KCNA2: variants seen among roughly 807,000 people sequenced by gnomAD.
KCNA2 encodes the protein potassium channel, voltage gated shaker related subfamily A, member 2.
In KCNA2, 11 loss-of-function variants were observed where a neutral mutation model predicts 33.4. The observed-to-expected ratio is 0.33, with a 90% CI of 0.21 to 0.55. The LOEUF is 0.55. KCNA2 is among the 20% of genes least tolerant of loss of function. KCNA2 has a pLI of 0.93. For synonymous variants in KCNA2, 222 were observed against 231.3 expected (o/e 0.96, Z 0.37); for missense variants, 291 against 621.6 (o/e 0.47, Z 5.66).
Position 110,604,247 on chromosome 1 carries a change from C to G in KCNA2, c.536G>C (p.Ser179Thr). ...GATGGGCAATGTTTCCAGACAGAAG[C>G]TGACAATTGAGATCAGAATCACCAT... ...SVMVILISIVSFCLETLPIFR... is the reference protein window; with the variant it reads ...SVMVILISIVTFCLETLPIFR... The change falls in exon 3 of 3, where the codon AGC becomes ACC. Residue 179 changes from serine (S) to threonine (T), a missense_variant. By Grantham distance (58) the Ser-to-Thr change is moderately conservative (BLOSUM62 1). This residue lies in a region of KCNA2 where 163 missense variants were observed against 273.5 expected (regional missense o/e 0.60). Coordinates refer to ENST00000316361, the MANE Select transcript of KCNA2 (RefSeq NM_004974.4). This position sits in a 1 kb window ranked among gnomAD's most constrained non-coding sequence, Gnocchi z 7.6. 6.2e-7 allele frequency: 1 copy of G among 1,614,154 alleles called. No homozygotes were observed. The highest frequency in any genetic ancestry group is 1.1e-5 in the South Asian group (1 of 91,078).
At chr1:110,616,763 C>T (rs1307596179) in intron 1 of KCNA2, among the ~76,000 whole-genome samples, 3 of 152,230 alleles carry the variant, frequency 2.0e-5, no homozygotes, top group Non-Finnish European at 4.4e-5. Context: ...GGTCTGTCCT[C>T]TAGCCCCGGC....
intron 1 of KCNA2, among the ~76,000 whole-genome samples, chr1:110,614,649 A>C (rs1213154272): frequency 6.6e-6 from 1 of 152,238 alleles, no homozygotes; most frequent in African/African-American, 2.4e-5. Flanking sequence ...AAAATGGGAA[A>C]GCTGGGCTAC....
At chr1:110,614,263 GT>G (rs1420958336) in intron 1 of KCNA2, among the ~76,000 whole-genome samples, 2 of 152,214 alleles carry the variant, frequency 1.3e-5, no homozygotes, top group East Asian at 3.8e-4. Context: ...ATCCTCGGAA[GT>G]TTTCTAACTT....
Position 110,602,548 on chromosome 1 carries a change from C to T in KCNA2, c.*735G>A. The T allele has an allele frequency of 9.4e-7, 1 of 1,063,180 alleles. No homozygotes were observed. Among genetic ancestry groups the T allele is most frequent in the African/African-American group, 1.7e-5 (1 of 59,700 alleles). 65.9% of individuals were successfully genotyped at this position (1,063,180 alleles called of 1,614,324 possible). ...CTGGAGCCTGCAAAAATGGTGAAAT[C>T]AGAGGCTTAGAGGTCTGTTGGTTTG... On this transcript the variant is annotated 3_prime_UTR_variant, in exon 3 of 3. Coordinates refer to ENST00000316361, the MANE Select transcript of KCNA2 (RefSeq NM_004974.4).
intron 1 of KCNA2, among the ~76,000 whole-genome samples, chr1:110,613,181 A>G (rs543100640): frequency 2.9e-4 from 44 of 152,112 alleles, no homozygotes; most frequent in Non-Finnish European, 5.6e-4. Flanking sequence ...TGTCACTTCA[A>G]TGACTTCTTC....
chr1:110,608,532 G>A (rs1649758723), upstream of KCNA2, among the ~76,000 whole-genome samples: 1 of 152,220 alleles, frequency 6.6e-6, no homozygotes, highest in East Asian at 1.9e-4. Context: ...GCGGGACTCC[G>A]GATTCTGGCG....
At chr1:110,607,006 A>AGCGCCGCACCTGGCTCGACGGCGAACTCG, upstream of KCNA2, among the ~76,000 whole-genome samples, 1 of 152,204 alleles carries the variant, frequency 6.6e-6, no homozygotes, top group African/African-American at 2.4e-5. Context: ...CGCGCCACGC[A>AGCGCCGCACCTGGCTCGACGGCGAACTCG]AACCCCAGAG....
chr1:110,598,161 C>T lies in KCNA2; in HGVS notation c.*5122G>A, dbSNP rs1649182969. The stretch of plus-strand genomic sequence containing the variant: ...ACCTTGCCAAGGCTAGGGGAACCTC[C>T]ATTGTGCAACCAAGGAGCACCATGG... On this transcript the variant is annotated 3_prime_UTR_variant, in exon 3 of 3. Transcript: ENST00000316361. The T allele has an allele frequency of 1.3e-6, 1 of 740,806 alleles. No individual in the cohort carries two copies. Among genetic ancestry groups the T allele is most frequent in the African/African-American group, 1.9e-5 (1 of 52,456 alleles). 45.9% of individuals were successfully genotyped at this position (740,806 alleles called of 1,614,324 possible). A position where few individuals can be genotyped will look rare whatever the true frequency, so the allele number is the denominator to read the frequency against.
rs556725807 is a variant in KCNA2 at position 110,595,500 on chromosome 1, T to C, written c.*7783A>G. The C allele has an allele frequency of 2.0e-6, 2 of 985,264 alleles. No homozygotes were observed. Among genetic ancestry groups the C allele is most frequent in the Non-Finnish European group, 2.4e-6 (2 of 829,950 alleles). 61.0% of individuals were successfully genotyped at this position (985,264 alleles called of 1,614,324 possible). A position where few individuals can be genotyped will look rare whatever the true frequency, so the allele number is the denominator to read the frequency against. The stretch of plus-strand genomic sequence containing the variant: ...GGCAGACACCCCTGCACCACTTCAA[T>C]TGCTCCAGATACAGTGAAAAATCCC... On this transcript the variant is annotated 3_prime_UTR_variant, in exon 3 of 3. Transcript: ENST00000316361.
upstream of KCNA2, among the ~76,000 whole-genome samples, chr1:110,610,508 C>G (rs577198076): frequency 6.6e-6 from 1 of 152,318 alleles, no homozygotes; most frequent in African/African-American, 2.4e-5. Flanking sequence ...TCCTTGCAAC[C>G]AGCCAGTGGG....
rs540107309 is a variant in KCNA2 at position 110,599,762 on chromosome 1, G to T, written c.*3521C>A. 1 of 985,456 alleles carries T rather than the reference G, an allele frequency of 1.0e-6. No individual in the cohort carries two copies. Among genetic ancestry groups the T allele is most frequent in the African/African-American group, 1.7e-5 (1 of 57,326 alleles). 61.0% of individuals were successfully genotyped at this position (985,456 alleles called of 1,614,324 possible). A position where few individuals can be genotyped will look rare whatever the true frequency, so the allele number is the denominator to read the frequency against. ...GCCATTACTGCTTTTAAGAGAATAG[G>T]GCTGAATCTGGAGATCCCAGGTGCT... On this transcript the variant is annotated 3_prime_UTR_variant, in exon 3 of 3. Transcript: ENST00000316361.
intron 1 of KCNA2, among the ~76,000 whole-genome samples, chr1:110,624,383 A>G (rs543642678): frequency 1.7e-4 from 26 of 152,386 alleles, no homozygotes; most frequent in African/African-American, 6.2e-4. Flanking sequence ...GAAGACAGAC[A>G]TAAGAAACAC....
chr1:110,597,983 G>A lies in KCNA2; in HGVS notation c.*5300C>T. 1 of 985,366 alleles carries A rather than the reference G, an allele frequency of 1.0e-6. No individual in the cohort carries two copies. Among genetic ancestry groups the A allele is most frequent in the Non-Finnish European group, 1.2e-6 (1 of 829,904 alleles). 61.0% of individuals were successfully genotyped at this position (985,366 alleles called of 1,614,324 possible). A position where few individuals can be genotyped will look rare whatever the true frequency, so the allele number is the denominator to read the frequency against. On this transcript the variant is annotated 3_prime_UTR_variant, in exon 3 of 3. Transcript: ENST00000316361. ...TGCTGGTTGCTTTGATAGGGGAACA[G>A]GGTTGGACTCAACAAGGGCTAAGTC...
rs1350000489 is a variant in KCNA2, at chr1:110,598,813, C to T, written c.*4470G>A. On this transcript the variant is annotated 3_prime_UTR_variant, in exon 3 of 3. Transcript: ENST00000316361. ...TACTGAAGTTTCAGAAAGCACAGAG[C>T]CTTAATTATTTTCTTAATTAAATGT... 4.1e-6 allele frequency: 4 copies of T among 985,136 alleles called. No individual in the cohort carries two copies. The highest frequency in any genetic ancestry group is 4.8e-6 in the Non-Finnish European group (4 of 829,840). The allele number at this position is 985,136 out of a possible 1,614,324, so 61.0% of individuals were successfully genotyped here. A position where few individuals can be genotyped will look rare whatever the true frequency, so the allele number is the denominator to read the frequency against.
intron 1 of KCNA2, among the ~76,000 whole-genome samples, chr1:110,613,786 G>A (rs2101438999): frequency 6.6e-6 from 1 of 152,260 alleles, no homozygotes; most frequent in Non-Finnish European, 1.5e-5. Flanking sequence ...AGCCAGTCCA[G>A]GCAAGAACCA....
At position 110,599,645 on chromosome 1, in the gene KCNA2, A is replaced by C; in HGVS notation, c.*3638T>G. 21 of 985,474 alleles carry C rather than the reference A, an allele frequency of 2.1e-5. No homozygotes were observed. Among genetic ancestry groups the C allele is most frequent in the Non-Finnish European group, 2.5e-5 (21 of 829,956 alleles). The allele number at this position is 985,474 out of a possible 1,614,324, so 61.0% of individuals were successfully genotyped here. On this transcript the variant is annotated 3_prime_UTR_variant, in exon 3 of 3. Transcript: ENST00000316361. ...CTGACCGTGCCCCCAACAAAGCTGC[A>C]AAGGATGGAAGGGCAATAAAATCTG...
chr1:110,613,314 A>G (rs1236453502), intron 1 of KCNA2, among the ~76,000 whole-genome samples: 2 of 152,216 alleles, frequency 1.3e-5, no homozygotes, highest in Admixed American at 1.3e-4. Flanking sequence ...GCCTGTGTCC[A>G]TCTGCACGCA....
rs1246758541 is a variant in KCNA2 at position 110,603,893 on chromosome 1, CG to C, written c.889del (p.Arg297GlyfsTer3). On this transcript the variant is annotated frameshift_variant, in exon 3 of 3. Coordinates refer to ENST00000316361, the MANE Select transcript of KCNA2 (RefSeq NM_004974.4). LOFTEE classifies it high-confidence loss of function. The surrounding 1 kb of genome is among the most constrained non-coding windows in gnomAD (Gnocchi z 5.7). ...GAAAATCCTAAAGACTCTTACCAACCGGATGACACGGAGGATGGCCAGTGAC... is the reference window on the plus strand; with the variant it reads ...GAAAATCCTAAAGACTCTTACCAACCGATGACACGGAGGATGGCCAGTGAC... ...AMSLAILRVIRLVRVFRIFKL... is the reference protein window; with the variant it reads ...AMSLAILRVIXLVRVFRIFKL... 1 of 1,614,184 alleles carries C rather than the reference CG, an allele frequency of 6.2e-7. No homozygotes were observed. The highest frequency in any genetic ancestry group is 8.5e-7 in the Non-Finnish European group (1 of 1,180,030).
At chr1:110,619,422 T>C (rs190534039) in intron 1 of KCNA2, among the ~76,000 whole-genome samples, 1 of 152,298 alleles carries the variant, frequency 6.6e-6, no homozygotes, top group East Asian at 1.9e-4. Flanking sequence ...CTCCCAAGGG[T>C]ATGGCTGGTT....
Sources: allele counts gnomAD v4.1 joint callset (sites outside exome capture counted in the v4.1 genomes callset), GRCh38; gene constraint gnomAD v4.1.1; regional missense constraint gnomAD v4.1.1; non-coding constraint Gnocchi (gnomAD v3.1); transcripts MANE v1.5; gene names NCBI Gene and HGNC (gene_info 2026-07-23, HGNC 2026-07-21).